SEC14L1: variants seen among roughly 807,000 people sequenced by gnomAD.
The protein encoded by SEC14L1 is SEC14-like protein 1.
Under a neutral mutation model 85.3 loss-of-function variants are expected in SEC14L1, and 48 were observed. That is an observed-to-expected ratio of 0.56 (90% CI 0.45 to 0.72). SEC14L1 has a LOEUF of 0.72. Among genes scored for constraint, SEC14L1 ranks in the 30% least tolerant of loss-of-function variants. SEC14L1 has a pLI of 0.00. For missense variants in SEC14L1, 682 were observed against 921.4 expected, an observed-to-expected ratio of 0.74 and a Z score of 3.36; for synonymous variants, 391 against 355.5, an observed-to-expected ratio of 1.10 and a Z score of -1.12.
chr17:77,154,785 G>A (rs747320298), intron 3 of SEC14L1, among the ~76,000 whole-genome samples: 4 of 152,098 alleles, frequency 2.6e-5, no homozygotes, highest in Non-Finnish European at 5.9e-5. Flanking sequence ...ACTGCCATGT[G>A]TATCAGTAGA....
intron 2 of SEC14L1, among the ~76,000 whole-genome samples, chr17:77,090,715 C>T (rs1260711304): frequency 7.4e-5 from 11 of 149,420 alleles, no homozygotes; most frequent in East Asian, 6.1e-4. Flanking sequence ...AAGAGCTGGG[C>T]GCGGTGGCTC....
intron 13 of SEC14L1, among the ~76,000 whole-genome samples, chr17:77,207,872 C>CA (rs1044750614): frequency 2.0e-5 from 3 of 152,200 alleles, no homozygotes; most frequent in African/African-American, 7.2e-5. Flanking sequence ...ATCCTGTACT[C>CA]AGAGAAGCTC....
At chr17:77,145,095 ATGTATGTGTGTGTGTGTGTGTGTG>A (rs1342494780) in intron 3 of SEC14L1, 1 of 44,612 alleles carries the variant, frequency 2.2e-5, no homozygotes, top group African/African-American at 6.3e-5. Flanking sequence ...GTGTGTGTGT[ATGTATGTGTGTGTGTGTGTGTGTG>A]TGTGTGTGTG....
intron 3 of SEC14L1, among the ~76,000 whole-genome samples, chr17:77,180,052 TGTTATGTTA>T (rs1567913129): frequency 1.8e-4 from 3 of 16,524 alleles, no homozygotes; most frequent in Admixed American, 4.5e-4. Flanking sequence ...TGTTTTGTTA[TGTTATGTTA>T]TGTTATGTTA....
At position 77,206,090 on chromosome 17, in the gene SEC14L1, A is replaced by G. The variant is rs1253535954; in HGVS notation, c.1170-139A>G. 7 of 795,248 alleles carry G rather than the reference A, an allele frequency of 8.8e-6. No individual in the cohort carries two copies. In the East Asian group the frequency reaches 1.6e-4, roughly 18 times the overall value. 49.3% of individuals were successfully genotyped at this position (795,248 alleles called of 1,614,324 possible). ...AGATATAAACAGGGTTCATAGCACT[A>G]TACATAGCACTATAATTTAAAAAAA... On this transcript the variant is annotated intron_variant, in intron 11 of 16. Transcript: ENST00000436233. The surrounding 1 kb of genome is among the most constrained non-coding windows in gnomAD (Gnocchi z 4.3).
At chr17:77,191,026 T>C in intron 4 of SEC14L1, 74 bp downstream of exon 4, 1 of 1,577,556 alleles carries the variant, frequency 6.3e-7, no homozygotes, top group South Asian at 1.1e-5. Context: ...GGAGAGGGCG[T>C]CCTGGAGGGA....
At chr17:77,117,682 A>G (rs1972206281) in intron 3 of SEC14L1, among the ~76,000 whole-genome samples, 1 of 152,194 alleles carries the variant, frequency 6.6e-6, no homozygotes, top group Non-Finnish European at 1.5e-5. Flanking sequence ...AATATTTGGT[A>G]GGCTTGAGGG....
Position 77,209,641 on chromosome 17 carries a change from A to G in SEC14L1, c.1611+165A>G, listed in dbSNP as rs200399359. On this transcript the variant is annotated intron_variant, in intron 14 of 16. Coordinates refer to ENST00000436233, the MANE Select transcript of SEC14L1 (RefSeq NM_001143998.2). ...CGATATTTAGTTTCAGTAAATGTCA[A>G]CGTCGAAGAATGGGTCTCTCTCAGA... Among the ~76,000 whole-genome samples the G allele has an allele frequency of 6.6e-5, 10 of 152,350 alleles. No individual in the cohort carries two copies. The East Asian group carries it at 1.9e-3, about 29-fold the overall frequency.
chr17:77,176,109 GT>G (rs1256608234), intron 3 of SEC14L1, among the ~76,000 whole-genome samples: 1 of 152,060 alleles, frequency 6.6e-6, no homozygotes, highest in African/African-American at 2.4e-5. Flanking sequence ...GACCAACATG[GT>G]GAAACCCTGT....
intron 3 of SEC14L1, among the ~76,000 whole-genome samples, chr17:77,115,083 G>A (rs889858114): frequency 1.3e-5 from 2 of 152,094 alleles, no homozygotes; most frequent in Non-Finnish European, 2.9e-5. Flanking sequence ...ATGCAAACGT[G>A]GGTGTTTTAT....
At chr17:77,143,446 G>T in intron 2 of SEC14L1, 121 bp from the exon 3 acceptor site, 1 of 585,182 alleles carries the variant, frequency 1.7e-6, no homozygotes. Flanking sequence ...TGTGTGCATA[G>T]AATTATGACC....
intron 3 of SEC14L1, among the ~76,000 whole-genome samples, chr17:77,100,781 G>C (rs1971760747): frequency 6.6e-6 from 1 of 151,900 alleles, no homozygotes; most frequent in South Asian, 2.1e-4. Context: ...CACACTTCCT[G>C]GTGGCCTCTC....
At chr17:77,187,773 C>CT (rs1334767556) in intron 3 of SEC14L1, among the ~76,000 whole-genome samples, 1 of 142,952 alleles carries the variant, frequency 7.0e-6, no homozygotes, top group Non-Finnish European at 1.5e-5. Flanking sequence ...GGGTCTTACT[C>CT]TTACTCTGTT....
intron 3 of SEC14L1, among the ~76,000 whole-genome samples, chr17:77,166,093 C>T (rs1974266371): frequency 6.6e-6 from 1 of 152,240 alleles, no homozygotes; most frequent in South Asian, 2.1e-4. Flanking sequence ...AGTAGCCACA[C>T]TTATTGAGTA....
At position 77,200,790 on chromosome 17, in the gene SEC14L1, C is replaced by T. The variant is rs988679250; in HGVS notation, c.1009+117C>T. 3.1e-5 allele frequency: 30 copies of T among 956,650 alleles called. No individual in the cohort carries two copies. In the Admixed American group the frequency reaches 7.0e-4, roughly 22 times the overall value. 59.3% of individuals were successfully genotyped at this position (956,650 alleles called of 1,614,324 possible). The stretch of plus-strand genomic sequence containing the variant: ...GGCCCCCTTGAGTGCATCGTTTCTC[C>T]TCACTCTGAGAATTTGGCACCTTTC... On this transcript the variant is annotated intron_variant, in intron 9 of 16. Coordinates refer to ENST00000436233, the MANE Select transcript of SEC14L1 (RefSeq NM_001143998.2).
intron 3 of SEC14L1, among the ~76,000 whole-genome samples, chr17:77,190,109 G>A (rs964578777): frequency 3.3e-5 from 5 of 151,600 alleles, no homozygotes; most frequent in East Asian, 1.9e-4. Context: ...CATTTAAGTC[G>A]CTGATCTTTG....
Position 77,154,462 on chromosome 17 carries a change from T to C in SEC14L1, c.63+10803T>C, listed in dbSNP as rs898548580. On this transcript the variant is annotated intron_variant, in intron 3 of 16. Transcript: ENST00000436233. ...AGAGCGAGGCCCTGTATCTAAAAGA[T>C]GTGTGTCTGTGTATATGAGAGGATG... Among the ~76,000 whole-genome samples the C allele has an allele frequency of 2.6e-5, 4 of 152,286 alleles. No individual in the cohort carries two copies. In the South Asian group the frequency reaches 8.3e-4, roughly 32 times the overall value.
chr17:77,191,859 C>A (rs2143799823), intron 5 of SEC14L1, among the ~76,000 whole-genome samples: 1 of 151,178 alleles, frequency 6.6e-6, no homozygotes, highest in Non-Finnish European at 1.5e-5. Context: ...TGCAGTGGCA[C>A]AGTCTCAGCT....
At chr17:77,137,318 G>C (rs1370642238), upstream of SEC14L1, among the ~76,000 whole-genome samples, 1 of 152,192 alleles carries the variant, frequency 6.6e-6, no homozygotes, top group African/African-American at 2.4e-5. Flanking sequence ...TTCTGGTGAA[G>C]CCTCAGGGAG....
Sources: gnomAD v4.1 joint callset for allele counts (sites outside exome capture counted in the v4.1 genomes callset) on GRCh38, gnomAD v4.1.1 for gene constraint, Gnocchi (gnomAD v3.1) non-coding constraint, MANE v1.5 for transcripts, NCBI Gene and HGNC (gene_info 2026-07-23, HGNC 2026-07-21) for gene names.